Variants in ITSN1 observed in about 807,000 individuals in gnomAD.
ITSN1 encodes the protein intersectin-1.
A neutral mutation model predicts 239.8 loss-of-function variants in ITSN1; 58 were observed. The observed-to-expected ratio is 0.24, with a 90% CI of 0.20 to 0.30. ITSN1 has a LOEUF of 0.30. ITSN1 is among the 10% of genes least tolerant of loss of function. The pLI, the probability that ITSN1 is intolerant of heterozygous loss-of-function variation, is 1.00. For synonymous variants in ITSN1, 780 were observed against 770.8 expected (o/e 1.01, Z -0.20); for missense variants, 1,558 against 2,103.3 (o/e 0.74, Z 5.07).
At position 33,791,073 on chromosome 21, in the gene ITSN1, A is replaced by G. The variant is rs77118687; in HGVS notation, c.1825-3268A>G. ...TTAAGAGTATATATTTCTTCATTCTATAGATTGCCTTCTCGGAAGTTCAAC... is the reference window on the plus strand; with the variant it reads ...TTAAGAGTATATATTTCTTCATTCTGTAGATTGCCTTCTCGGAAGTTCAAC... On this transcript the variant is annotated intron_variant, in intron 16 of 39. Coordinates refer to ENST00000381318, the MANE Select transcript of ITSN1 (RefSeq NM_003024.3). Among the ~76,000 whole-genome samples, 1,375 of 152,318 alleles carry G rather than the reference A, an allele frequency of 9.0e-3. 12 individuals are homozygous for G. Among genetic ancestry groups the G allele is most frequent in the Middle Eastern group, 0.031 (9 of 294 alleles).
intron 11 of ITSN1, among the ~76,000 whole-genome samples, chr21:33,769,241 ACATT>A: frequency 6.6e-6 from 1 of 152,328 alleles, no homozygotes; most frequent in African/African-American, 2.4e-5. Context: ...TTTTTAGTAG[ACATT>A]CATTTAAAAT....
At chr21:33,731,193 A>G (rs1343677128) in intron 4 of ITSN1, among the ~76,000 whole-genome samples, 7 of 152,208 alleles carry the variant, frequency 4.6e-5, no homozygotes, top group Non-Finnish European at 1.0e-4. Flanking sequence ...ACACTTCTGT[A>G]GGACACCTTT....
At chr21:33,832,339 A>C (rs562773777) in intron 27 of ITSN1, among the ~76,000 whole-genome samples, 2 of 152,308 alleles carry the variant, frequency 1.3e-5, no homozygotes, top group East Asian at 1.9e-4. Context: ...ACCACTCTTT[A>C]GTATTTTATA....
intron 16 of ITSN1, among the ~76,000 whole-genome samples, chr21:33,782,987 T>C (rs1397928077): frequency 2.0e-5 from 3 of 152,022 alleles, no homozygotes; most frequent in African/African-American, 4.8e-5. Context: ...ATCACGCCAC[T>C]GCACTCCAGC....
intron 16 of ITSN1, among the ~76,000 whole-genome samples, chr21:33,785,044 G>A (rs2070544585): frequency 6.6e-6 from 1 of 152,180 alleles, no homozygotes; most frequent in Non-Finnish European, 1.5e-5. Flanking sequence ...CAGCTGGAGA[G>A]TACAGAAAAG....
chr21:33,682,166 A>G (rs2090998836), intron 1 of ITSN1, among the ~76,000 whole-genome samples: 1 of 151,232 alleles, frequency 6.6e-6, no homozygotes, highest in African/African-American at 2.4e-5. Flanking sequence ...TACTCAGGAC[A>G]ACTATTGGTG....
intron 33 of ITSN1, among the ~76,000 whole-genome samples, chr21:33,872,965 C>T (rs1983011922): frequency 6.6e-6 from 1 of 152,134 alleles, no homozygotes; most frequent in African/African-American, 2.4e-5. Context: ...TTTACTCAAG[C>T]CAGCTGGGTG....
intron 4 of ITSN1, among the ~76,000 whole-genome samples, chr21:33,732,998 A>G (rs1294045700): frequency 3.3e-5 from 5 of 152,310 alleles, no homozygotes; most frequent in African/African-American, 9.6e-5. Flanking sequence ...ATTGTGGTTT[A>G]ATCAATTCTC....
intron 22 of ITSN1, 133 bp from the exon 23 acceptor site, chr21:33,818,134 C>CT: frequency 1.5e-6 from 1 of 688,276 alleles, no homozygotes; most frequent in South Asian, 1.9e-5. Flanking sequence ...TCCTGCTGTG[C>CT]TGCCTCAGGG....
At chr21:33,743,220 C>CT (rs1423706383) in intron 5 of ITSN1, among the ~76,000 whole-genome samples, 2 of 152,228 alleles carry the variant, frequency 1.3e-5, no homozygotes, top group African/African-American at 4.8e-5. Flanking sequence ...AATCCCAGCA[C>CT]TTTAAGAGGC....
At position 33,817,678 on chromosome 21, in the gene ITSN1, C is replaced by A; in HGVS notation, c.2728-589C>A. 18 of 1,162,218 alleles carry A rather than the reference C, an allele frequency of 1.5e-5. No individual in the cohort carries two copies. In the South Asian group the frequency reaches 2.8e-4, roughly 18 times the overall value. The allele number at this position is 1,162,218 out of a possible 1,614,324, so 72.0% of individuals were successfully genotyped here. A position where few individuals can be genotyped will look rare whatever the true frequency, so the allele number is the denominator to read the frequency against. On this transcript the variant is annotated intron_variant, in intron 22 of 39. Coordinates refer to ENST00000381318, the MANE Select transcript of ITSN1 (RefSeq NM_003024.3). ...TGGGGGAGGCAGAGACTGTTTTTTTCATCTGTAATCTCATGGGGCAGTGCA... is the reference window on the plus strand; with the variant it reads ...TGGGGGAGGCAGAGACTGTTTTTTTAATCTGTAATCTCATGGGGCAGTGCA...
chr21:33,650,689 A>G (rs574812567), intron 1 of ITSN1, among the ~76,000 whole-genome samples: 1 of 152,332 alleles, frequency 6.6e-6, no homozygotes, highest in East Asian at 1.9e-4. Flanking sequence ...GGAGAATTGC[A>G]TTTTGGCCAC....
chr21:33,845,562 C>A (rs1027600452), intron 29 of ITSN1, among the ~76,000 whole-genome samples: 1 of 152,088 alleles, frequency 6.6e-6, no homozygotes, highest in African/African-American at 2.4e-5. Flanking sequence ...TTCTCCAGCC[C>A]TCTAACCTTC....
intron 1 of ITSN1, among the ~76,000 whole-genome samples, chr21:33,650,118 A>G (rs1218028963): frequency 6.6e-6 from 1 of 152,102 alleles, no homozygotes; most frequent in Non-Finnish European, 1.5e-5. Context: ...GGTTAAAATT[A>G]AACATCCTCT....
chr21:33,874,302 C>T (rs929271750), intron 33 of ITSN1, among the ~76,000 whole-genome samples: 2 of 152,054 alleles, frequency 1.3e-5, no homozygotes, highest in Non-Finnish European at 2.9e-5. Context: ...CTTAGAAAAG[C>T]GCACACTTGC....
intron 1 of ITSN1, among the ~76,000 whole-genome samples, chr21:33,714,382 G>A (rs574988115): frequency 6.6e-6 from 1 of 152,242 alleles, no homozygotes; most frequent in Non-Finnish European, 1.5e-5. Context: ...AGGGCCAGAA[G>A]GTAAATGTAG....
intron 1 of ITSN1, chr21:33,643,642 C>A (rs1204271230): frequency 6.6e-6 from 1 of 152,048 alleles, no homozygotes; most frequent in Non-Finnish European, 1.5e-5. Flanking sequence ...TTTATAGCCT[C>A]TTCAATATGA....
intron 9 of ITSN1, among the ~76,000 whole-genome samples, chr21:33,765,175 C>T (rs1179278298): frequency 6.6e-6 from 1 of 152,142 alleles, no homozygotes; most frequent in Non-Finnish European, 1.5e-5. Context: ...TACTACCTGA[C>T]CCTTTACTGA....
At chr21:33,729,467 A>T (rs1004114086) in intron 4 of ITSN1, among the ~76,000 whole-genome samples, 1 of 152,100 alleles carries the variant, frequency 6.6e-6, no homozygotes, top group Admixed American at 6.5e-5. Context: ...AACAAATAAA[A>T]AAAAAAAAAA....
Sources: allele counts gnomAD v4.1 joint callset (sites outside exome capture counted in the v4.1 genomes callset), GRCh38; gene constraint gnomAD v4.1.1; transcripts MANE v1.5; gene names NCBI Gene and HGNC (gene_info 2026-07-23, HGNC 2026-07-21).